ANO5: variants seen among roughly 807,000 people sequenced by gnomAD.
ANO5 encodes the protein anoctamin 5.
Under a neutral mutation model 121.0 loss-of-function variants are expected in ANO5, and 109 were observed. That is an observed-to-expected ratio of 0.90 (90% CI 0.77 to 1.06). The LOEUF (loss-of-function observed/expected upper bound fraction) is 1.06. Among genes scored for constraint, ANO5 ranks in the 50% least tolerant of loss-of-function variants. ANO5 has a pLI of 0.00. For synonymous variants in ANO5, 406 were observed against 359.9 expected, an observed-to-expected ratio of 1.13 and a Z score of -1.45; for missense variants, 1,064 against 1,078.5, an observed-to-expected ratio of 0.99 and a Z score of 0.19.
intron 18 of ANO5, 23 bp from the exon 19 acceptor site, chr11:22,272,761 A>C (rs200051920): frequency 1.2e-6 from 2 of 1,602,214 alleles, no homozygotes; most frequent in Admixed American, 3.3e-5. Context: ...TAATGAGTTC[A>C]TGCCTTTTTC....
intron 3 of ANO5, among the ~76,000 whole-genome samples, chr11:22,216,819 A>G (rs1487872252): frequency 1.3e-5 from 2 of 151,640 alleles, no homozygotes; most frequent in South Asian, 2.1e-4. Flanking sequence ...TTTAGTTTTT[A>G]TGTTTAGGTC....
At chr11:22,245,421 A>C (rs1433431425) in intron 9 of ANO5, among the ~76,000 whole-genome samples, 1 of 152,020 alleles carries the variant, frequency 6.6e-6, no homozygotes, top group Non-Finnish European at 1.5e-5. Context: ...TGCTCTACTT[A>C]TCTCTGGAGT....
intron 1 of ANO5, among the ~76,000 whole-genome samples, chr11:22,200,634 G>A (rs1689564968): frequency 6.6e-6 from 1 of 152,096 alleles, no homozygotes; most frequent in Non-Finnish European, 1.5e-5. Context: ...TGGTGCCATA[G>A]CCTTGATTCA....
intron 12 of ANO5, 74 bp downstream of exon 12, chr11:22,251,085 C>T (rs895279746): frequency 1.5e-6 from 2 of 1,371,364 alleles, no homozygotes; most frequent in African/African-American, 2.9e-5. Context: ...TAACATATGA[C>T]AGATGAAATA....
At chr11:22,197,042 G>A (rs535271911) in intron 1 of ANO5, among the ~76,000 whole-genome samples, 2 of 152,052 alleles carry the variant, frequency 1.3e-5, no homozygotes, top group Admixed American at 6.5e-5. Context: ...ACCCATATAG[G>A]TAAGCCTTGA....
intron 18 of ANO5, among the ~76,000 whole-genome samples, chr11:22,271,600 TTAC>T (rs1179504560): frequency 2.6e-5 from 4 of 152,220 alleles, no homozygotes; most frequent in African/African-American, 9.6e-5. Context: ...ACATCAGAGA[TTAC>T]TACTGAAATT....
Position 22,227,417 on chromosome 11 carries a change from G to T in ANO5, c.479G>T (p.Arg160Leu). The T allele has an allele frequency of 6.2e-7, 1 of 1,613,380 alleles. No homozygotes were observed. The highest frequency in any genetic ancestry group is 8.5e-7 in the Non-Finnish European group (1 of 1,179,736). The part of the protein sequence containing the change: ...KMPIKESDIP[R>L]PKHTPISYVL... ...CCTATTAAGGAGAGTGATATTCCCC[G>T]CCCTAAGCACACTCCTATAAGCTAT... The change falls in exon 7 of 22, where the codon CGC (arginine) becomes CTC (leucine). Residue 160 changes from arginine to leucine, a missense_variant. Transcript: ENST00000324559.
chr11:22,259,414 C>G, intron 14 of ANO5, 105 bp from the exon 15 acceptor site: 2 of 1,243,876 alleles, frequency 1.6e-6, no homozygotes, highest in South Asian at 1.3e-5. Context: ...ATGAGAACTG[C>G]TAAACTTCAT....
At position 22,270,346 on chromosome 11, in the gene ANO5, C is replaced by G; in HGVS notation, c.1933C>G (p.Arg645Gly). 6 of 1,614,120 alleles carry G rather than the reference C, an allele frequency of 3.7e-6. 1 individual carries two copies. The highest frequency in any genetic ancestry group is 5.1e-6 in the Non-Finnish European group (6 of 1,180,012). ...GAATTGGTGGAGACGCCGAAAAGCT[C>G]GGACAAACTCTGAGAAGCTGTATAG... is the stretch of plus-strand genomic sequence containing the variant. ...ALNWWRRRKA[R>G]TNSEKLYSRW... Residue 645 changes from arginine to glycine, a missense_variant, in exon 18 of 22, where the codon CGG (arginine) becomes GGG (glycine). Coordinates refer to ENST00000324559, the MANE Select transcript of ANO5 (RefSeq NM_213599.3).
intron 17 of ANO5, among the ~76,000 whole-genome samples, chr11:22,266,688 A>G (rs775894021): frequency 2.6e-5 from 4 of 152,030 alleles, no homozygotes; most frequent in Non-Finnish European, 5.9e-5. Context: ...TTTTGGTTAT[A>G]TATGTTGAAA....
chr11:22,229,991 A>G (rs547231775), intron 7 of ANO5, among the ~76,000 whole-genome samples: 5 of 152,148 alleles, frequency 3.3e-5, no homozygotes, highest in East Asian at 1.9e-4. Context: ...TTTCACAACA[A>G]TCATGGCATC....
intron 1 of ANO5, among the ~76,000 whole-genome samples, chr11:22,194,725 A>G (rs1440887443): frequency 6.6e-6 from 1 of 152,198 alleles, no homozygotes; most frequent in African/African-American, 2.4e-5. Flanking sequence ...TTTCTCGTAG[A>G]TTAACGTTTT....
At chr11:22,208,378 A>G (rs958458054) in intron 2 of ANO5, among the ~76,000 whole-genome samples, 12 of 151,964 alleles carry the variant, frequency 7.9e-5, no homozygotes, top group Non-Finnish European at 1.2e-4. Context: ...AATAAACACA[A>G]CTTGGATAGA....
rs146725859 is a variant in ANO5 at position 22,227,471 on chromosome 11, G to C, written c.533G>C (p.Ser178Thr). The part of the protein sequence containing the change: ...YVLGPVRLPL[S>T]VKYPHPEYFT... ...CTTGGACCTGTAAGACTCCCACTGA[G>C]TGTGAAGTATCCCCATCCTGAATAT... The change falls in exon 7 of 22, where the codon AGT (serine) becomes ACT (threonine). Residue 178 changes from serine to threonine, a missense_variant. Physicochemically the swap from Ser to Thr is moderately conservative, Grantham distance 58 (BLOSUM62 1). Transcript: ENST00000324559. 1.4e-5 allele frequency: 23 copies of C among 1,613,586 alleles called. No individual in the cohort carries two copies. The African/African-American group carries it at 2.7e-4, about 19-fold the overall frequency.
chr11:22,201,600 G>C (rs1590212888), intron 1 of ANO5, among the ~76,000 whole-genome samples: 1 of 152,066 alleles, frequency 6.6e-6, no homozygotes, highest in South Asian at 2.1e-4. Context: ...AGTTTATTTG[G>C]TCCATGTTCT....
chr11:22,198,017 A>G (rs1851861658), intron 1 of ANO5, among the ~76,000 whole-genome samples: 3 of 152,156 alleles, frequency 2.0e-5, no homozygotes, highest in Admixed American at 2.0e-4. Context: ...AAAGTGTCTG[A>G]GTCTATGGTC....
Position 22,280,029 on chromosome 11 carries a change from G to A in ANO5, c.*264G>A. 2.3e-6 allele frequency: 1 copy of A among 443,178 alleles called. No homozygotes were observed. Among genetic ancestry groups the A allele is most frequent in the South Asian group, 2.7e-5 (1 of 36,522 alleles). 27.5% of individuals were successfully genotyped at this position (443,178 alleles called of 1,614,324 possible). A position where few individuals can be genotyped will look rare whatever the true frequency, so the allele number is the denominator to read the frequency against. On this transcript the variant is annotated 3_prime_UTR_variant, in exon 22 of 22. Coordinates refer to ENST00000324559, the MANE Select transcript of ANO5 (RefSeq NM_213599.3). Reference sequence around the variant, plus strand: ...TAAATGACTGTTGAAAGTGCAGGTAGAATCAGAATACTGGGAAATTATGGA... The same window carrying A: ...TAAATGACTGTTGAAAGTGCAGGTAAAATCAGAATACTGGGAAATTATGGA...
intron 1 of ANO5, among the ~76,000 whole-genome samples, chr11:22,194,570 C>G (rs1851750965): frequency 6.6e-6 from 1 of 152,168 alleles, no homozygotes; most frequent in African/African-American, 2.4e-5. Flanking sequence ...ACTTTCATCA[C>G]CCCAAATAGA....
intron 1 of ANO5, 79 bp from the exon 2 acceptor site, chr11:22,203,725 T>G (rs1852031167): frequency 1.1e-6 from 1 of 887,208 alleles, no homozygotes; most frequent in African/African-American, 1.7e-5. Context: ...CAATTCCTAT[T>G]TTTTCCTTAC....
Sources: gnomAD v4.1 joint callset for allele counts (sites outside exome capture counted in the v4.1 genomes callset) on GRCh38, gnomAD v4.1.1 for gene constraint, MANE v1.5 for transcripts, NCBI Gene and HGNC (gene_info 2026-07-23, HGNC 2026-07-21) for gene names.